Variants in CEP120 observed in about 807,000 individuals in gnomAD.
CEP120 encodes the protein centrosomal protein of 120 kDa.
A neutral mutation model predicts 126.5 loss-of-function variants in CEP120; 113 were observed. That is an observed-to-expected ratio of 0.89 (90% CI 0.77 to 1.04). The LOEUF (loss-of-function observed/expected upper bound fraction) is 1.04. Among genes scored for constraint, CEP120 ranks in the 50% least tolerant of loss-of-function variants. The pLI is 0.00. For synonymous variants in CEP120, 400 were observed against 394.3 expected (o/e 1.01, Z -0.17); for missense variants, 1,230 against 1,155.7 (o/e 1.06, Z -0.93).
chr5:123,406,635 T>C (rs1243476966), intron 4 of CEP120, among the ~76,000 whole-genome samples: 2 of 148,352 alleles, frequency 1.3e-5, no homozygotes, highest in African/African-American at 4.9e-5. Flanking sequence ...AGTAAAATTA[T>C]CCTTCAAAAG....
chr5:123,375,332 T>C (rs567146598), intron 16 of CEP120, among the ~76,000 whole-genome samples: 8 of 151,426 alleles, frequency 5.3e-5, no homozygotes, highest in Admixed American at 3.9e-4. Flanking sequence ...GTCTTTTTCT[T>C]TTTTTTTTGA....
chr5:123,386,747 A>C, intron 9 of CEP120, 80 bp from the exon 10 acceptor site: 2 of 1,092,994 alleles, frequency 1.8e-6, no homozygotes, highest in Non-Finnish European at 2.4e-6. Flanking sequence ...TTTTTAGAAA[A>C]AAGTATAATA....
intron 11 of CEP120, among the ~76,000 whole-genome samples, chr5:123,383,496 ACAT>A (rs1771803822): frequency 1.3e-5 from 2 of 152,088 alleles, no homozygotes. Flanking sequence ...GCATTTTCTC[ACAT>A]CATAACATTA....
Position 123,345,834 on chromosome 5 carries a change from T to C in CEP120, c.*685A>G, listed in dbSNP as rs1237930006. The C allele has an allele frequency of 2.6e-5, 4 of 152,140 alleles. No homozygotes were observed. Among genetic ancestry groups the C allele is most frequent in the African/African-American group, 9.7e-5 (4 of 41,444 alleles). The allele number at this position is 152,140 out of a possible 1,614,324, so 9.4% of individuals were successfully genotyped here. On this transcript the variant is annotated 3_prime_UTR_variant, in exon 20 of 20. Transcript: ENST00000306467. ...TTAACAAAAGAAAACAATGCAAACT[T>C]GAGGAAGAAACCAACAGAGAAAACT... is the stretch of plus-strand genomic sequence containing the variant.
At chr5:123,355,936 T>C (rs1240035246) in intron 18 of CEP120, among the ~76,000 whole-genome samples, 2 of 150,998 alleles carry the variant, frequency 1.3e-5, no homozygotes, top group Admixed American at 1.3e-4. Context: ...CTTTAATCCA[T>C]CTTGAATTAA....
intron 1 of CEP120, among the ~76,000 whole-genome samples, chr5:123,422,184 T>G (rs1022408766): frequency 6.6e-6 from 1 of 152,170 alleles, no homozygotes; most frequent in Non-Finnish European, 1.5e-5. Context: ...TCCCTGCTCT[T>G]CTCTTTGCCT....
intron 1 of CEP120, chr5:123,422,631 C>A: frequency 8.0e-7 from 1 of 1,254,956 alleles, no homozygotes; most frequent in Non-Finnish European, 1.1e-6. Context: ...CTGATCAGAA[C>A]GCGCTTCTCA....
rs1433756876 is a variant in CEP120, at chr5:123,346,369, T to A, written c.*150A>T. 4 of 527,794 alleles carry A rather than the reference T, an allele frequency of 7.6e-6. No homozygotes were observed. The African/African-American group carries it at 7.8e-5, about 10-fold the overall frequency. 32.7% of individuals were successfully genotyped at this position (527,794 alleles called of 1,614,324 possible). On this transcript the variant is annotated 3_prime_UTR_variant, in exon 20 of 20. Transcript: ENST00000306467. ...GAGAGGTAGCATAAAGTAAATAAGA[T>A]CAAATAAATACTATACAATAACATA...
chr5:123,408,050 C>T (rs879630609), intron 4 of CEP120, among the ~76,000 whole-genome samples: 7 of 151,624 alleles, frequency 4.6e-5, no homozygotes, highest in Middle Eastern at 3.2e-3. Context: ...TTTTATTTGT[C>T]TGAGAGTTTT....
chr5:123,365,903 G>A (rs1171018363), intron 17 of CEP120, among the ~76,000 whole-genome samples: 2 of 151,340 alleles, frequency 1.3e-5, no homozygotes, highest in Non-Finnish European at 3.0e-5. Flanking sequence ...GGCCAGAGAT[G>A]AACCTAGAGG....
chr5:123,380,203 G>A (rs1485034010), intron 14 of CEP120, among the ~76,000 whole-genome samples: 2 of 152,004 alleles, frequency 1.3e-5, no homozygotes, highest in African/African-American at 4.8e-5. Flanking sequence ...TCATCATACT[G>A]AAAAACAACT....
At chr5:123,373,385 A>C (rs772952421) in intron 16 of CEP120, among the ~76,000 whole-genome samples, 2 of 152,126 alleles carry the variant, frequency 1.3e-5, no homozygotes, top group Non-Finnish European at 2.9e-5. Context: ...TAAATCAAGG[A>C]GTGACCGGGA....
intron 8 of CEP120, 133 bp downstream of exon 8, chr5:123,389,791 T>C (rs1220741439): frequency 1.3e-6 from 1 of 748,668 alleles, no homozygotes; most frequent in Non-Finnish European, 2.2e-6. Context: ...TGAGCCACCG[T>C]GCCCAGCCTT....
Position 123,378,385 on chromosome 5 carries a change from A to G in CEP120, c.2147T>C (p.Leu716Pro). The G allele has an allele frequency of 6.2e-7, 1 of 1,607,618 alleles. No individual in the cohort carries two copies. The highest frequency in any genetic ancestry group is 8.5e-7 in the Non-Finnish European group (1 of 1,177,142). ...CTGCTCTCGCTTCTCCAAGTCAATT[A>G]GAGTTTTTTGAAGTTTTCCTTCTAG... ...TILEGKLQKTLIDLEKREQQL... is the reference protein window; with the variant it reads ...TILEGKLQKTPIDLEKREQQL... Residue 716 changes from leucine (L) to proline (P), a missense_variant, in exon 15 of 20, where the codon CTA (leucine) becomes CCA (proline). Physicochemically the swap from Leu to Pro is moderately conservative, Grantham distance 98. Transcript: ENST00000306467.
chr5:123,402,508 T>C (rs1773328612), intron 4 of CEP120, among the ~76,000 whole-genome samples: 1 of 152,104 alleles, frequency 6.6e-6, no homozygotes, highest in African/African-American at 2.4e-5. Context: ...CCCCCCCGGA[T>C]TCAAGCAATT....
intron 4 of CEP120, among the ~76,000 whole-genome samples, chr5:123,408,499 C>T (rs945088022): frequency 6.6e-6 from 1 of 151,962 alleles, no homozygotes; most frequent in East Asian, 1.9e-4. Flanking sequence ...ATGTCTAGGC[C>T]CACAAATTTG....
chr5:123,386,658 A>C lies in CEP120; in HGVS notation c.1440T>G (p.Tyr480Ter). ...FPINCILRYS[Y>*]PFFGSAAPIM... The stretch of plus-strand genomic sequence containing the variant: ...TAGGAGCTGCACTTCCAAAGAATGG[A>C]TATGAGTACCTAGAATTTAAAAAAA... The change falls in exon 10 of 20, where the codon TAT (tyrosine) becomes TAG (stop). Residue 480 changes from tyrosine (Y) to a stop codon, truncating the protein, a stop_gained. Coordinates refer to ENST00000306467, the MANE Select transcript of CEP120 (RefSeq NM_001375405.1). LOFTEE classifies it high-confidence loss of function. 1.3e-6 allele frequency: 1 copy of C among 743,664 alleles called. No individual in the cohort carries two copies. The highest frequency in any genetic ancestry group is 2.3e-5 in the South Asian group (1 of 44,132). 46.1% of individuals were successfully genotyped at this position (743,664 alleles called of 1,614,324 possible).
At chr5:123,354,550 T>A (rs910816342) in intron 18 of CEP120, among the ~76,000 whole-genome samples, 1 of 152,088 alleles carries the variant, frequency 6.6e-6, no homozygotes, top group Non-Finnish European at 1.5e-5. Flanking sequence ...TAATTTTTTT[T>A]ATCTAATTTG....
chr5:123,387,596 C>T (rs1013794539), intron 9 of CEP120, among the ~76,000 whole-genome samples: 1 of 151,950 alleles, frequency 6.6e-6, no homozygotes, highest in African/African-American at 2.4e-5. Context: ...TTTTAAAGTG[C>T]CTTAAAATGA....
Sources: allele counts gnomAD v4.1 joint callset (sites outside exome capture counted in the v4.1 genomes callset), GRCh38; gene constraint gnomAD v4.1.1; transcripts MANE v1.5; gene names NCBI Gene and HGNC (gene_info 2026-07-23, HGNC 2026-07-21).